HYDIN: variants seen among roughly 807,000 people sequenced by gnomAD.
HYDIN encodes HYDIN axonemal central pair apparatus protein, also known as axonemal central pair apparatus protein HYDIN.
HYDIN carries 132 observed loss-of-function variants against 403.9 expected under a neutral mutation model. The observed-to-expected ratio is 0.33, with a 90% CI of 0.28 to 0.38. The LOEUF is 0.38. HYDIN is among the 10% of genes least tolerant of loss of function. HYDIN has a pLI of 1.00. For synonymous variants in HYDIN, 1,202 were observed against 1,891.7 expected (o/e 0.64, Z 9.46); for missense variants, 2,827 against 5,009.5 (o/e 0.56, Z 13.15).
chr16:70,974,473 G>A, intron 32 of HYDIN, 61 bp downstream of exon 32: 2 of 1,419,892 alleles, frequency 1.4e-6, no homozygotes, highest in Non-Finnish European at 1.9e-6. Flanking sequence ...GGACAGTACT[G>A]ATGGGTTCCT....
chr16:71,019,814 A>C (rs2080412297), intron 22 of HYDIN, among the ~76,000 whole-genome samples: 1 of 152,266 alleles, frequency 6.6e-6, no homozygotes, highest in Admixed American at 6.5e-5. Flanking sequence ...ATGGAATTAG[A>C]CTACATTATT....
At chr16:70,813,457 G>A (rs71384770) in intron 84 of HYDIN, among the ~76,000 whole-genome samples, 4,128 of 152,006 alleles carry the variant, frequency 0.027, 72 homozygotes, top group Non-Finnish European at 0.042. Context: ...GTCATGCTTC[G>A]AGATGACTAG....
At chr16:70,828,806 C>T (rs1417573496) in intron 81 of HYDIN, among the ~76,000 whole-genome samples, 1 of 151,608 alleles carries the variant, frequency 6.6e-6, no homozygotes, top group South Asian at 2.1e-4. Context: ...TCATAAAGAC[C>T]GCATAGTTAA....
chr16:70,807,756 G>A lies in HYDIN; in HGVS notation c.15190C>T (p.Arg5064Cys), dbSNP rs768134428. The part of the protein sequence containing the change: ...IIVDNPAFTI[R>C]AGESVRPKKI... ...TTGGGCCGCACAGACTCTCCAGCGCGAATGGTGAAGGCTGGGTTATCCACG... is the reference window on the plus strand; with the variant it reads ...TTGGGCCGCACAGACTCTCCAGCGCAAATGGTGAAGGCTGGGTTATCCACG... Residue 5064 changes from arginine to cysteine, a missense_variant, in exon 86 of 86, where the codon CGC becomes TGC. By Grantham distance (180) the Arg-to-Cys change is radical. Coordinates refer to ENST00000393567, the MANE Select transcript of HYDIN (RefSeq NM_001270974.2). 1.8e-5 allele frequency: 29 copies of A among 1,614,034 alleles called. No homozygotes were observed. The highest frequency in any genetic ancestry group is 6.7e-5 in the African/African-American group (5 of 74,906).
chr16:71,063,444 A>G (rs2082156933), intron 16 of HYDIN, among the ~76,000 whole-genome samples: 1 of 152,248 alleles, frequency 6.6e-6, no homozygotes, highest in Admixed American at 6.5e-5. Context: ...AAGTATCTTG[A>G]GTGTTTGGCT....
intron 48 of HYDIN, 100 bp downstream of exon 48, chr16:70,908,553 A>C: frequency 2.0e-6 from 3 of 1,521,144 alleles, no homozygotes; most frequent in Non-Finnish European, 1.8e-6. Context: ...CTGGAGCCCC[A>C]CAGACAGGAC....
intron 75 of HYDIN, among the ~76,000 whole-genome samples, chr16:70,848,073 C>A (rs1031363446): frequency 3.5e-5 from 5 of 141,652 alleles, no homozygotes; most frequent in African/African-American, 5.3e-5. Context: ...TCCCATCTGC[C>A]ACAGCTGATT....
At chr16:70,884,622 T>G (rs2041015847) in intron 58 of HYDIN, among the ~76,000 whole-genome samples, 1 of 150,636 alleles carries the variant, frequency 6.6e-6, no homozygotes, top group Admixed American at 6.6e-5. Flanking sequence ...TTGCTGGAGG[T>G]TTAAATGAAA....
At chr16:70,985,905 T>A (rs2144031391) in intron 27 of HYDIN, among the ~76,000 whole-genome samples, 1 of 77,518 alleles carries the variant, frequency 1.3e-5, no homozygotes, top group Non-Finnish European at 2.3e-5. Flanking sequence ...AATTGAACAA[T>A]GAGAACACTT....
chr16:70,872,124 A>G lies in HYDIN; in HGVS notation c.11004T>C (p.Asn3668=). The part of the protein sequence containing the change: ...FGDCHIGHSY[N]ASFTVTNHSQ... ...TGTGATTTGTGACTGTGAAGCTCGC[A>G]TTATAGCTGTGTCCAATGTGGCAGT... is the stretch of plus-strand genomic sequence containing the variant. Residue 3668 remains asparagine (N), a synonymous_variant, in exon 65 of 86, where the codon AAT becomes AAC. Transcript: ENST00000393567. The G allele has an allele frequency of 1.9e-6, 3 of 1,569,184 alleles. No individual in the cohort carries two copies. The highest frequency in any genetic ancestry group is 2.6e-6 in the Non-Finnish European group (3 of 1,153,584).
intron 75 of HYDIN, 32 bp from the exon 76 acceptor site, chr16:70,840,265 TTAGGAGAAG>T (rs2037727312): frequency 9.6e-7 from 1 of 1,045,106 alleles, no homozygotes; most frequent in African/African-American, 1.9e-5. Flanking sequence ...GGGACCATGA[TTAGGAGAAG>T]TAGGAGGAGA....
intron 45 of HYDIN, among the ~76,000 whole-genome samples, chr16:70,925,938 A>G (rs2077140241): frequency 2.7e-5 from 4 of 149,038 alleles, no homozygotes; most frequent in Admixed American, 6.7e-5. Context: ...TTAGAATGGC[A>G]ATCATTAAAA....
intron 41 of HYDIN, among the ~76,000 whole-genome samples, chr16:70,951,097 T>C (rs1265570419): frequency 3.3e-5 from 5 of 152,054 alleles, no homozygotes; most frequent in African/African-American, 1.2e-4. Context: ...TAGCCAGGCA[T>C]GGTGGGACAT....
chr16:71,097,651 T>A (rs2083313447), intron 10 of HYDIN, among the ~76,000 whole-genome samples: 1 of 143,960 alleles, frequency 6.9e-6, no homozygotes, highest in Admixed American at 7.0e-5. Flanking sequence ...ATTTACGGGT[T>A]CTTTCTCTCC....
intron 60 of HYDIN, among the ~76,000 whole-genome samples, chr16:70,881,536 A>G (rs1254723828): frequency 6.9e-6 from 1 of 145,444 alleles, no homozygotes; most frequent in Non-Finnish European, 1.5e-5. Context: ...TGAACCTGGG[A>G]GGCAGAGCTT....
Position 71,186,925 on chromosome 16 carries a change from G to A in HYDIN, c.-23-7C>T, listed in dbSNP as rs1186910547. ...AGTAATTTTTTTTTCTCACCTAAGA[G>A]TGAAACAAAAATGTCTTAGAACAAA... On this transcript the variant is annotated splice_polypyrimidine_tract_variant and splice_region_variant and intron_variant, in intron 1 of 85. Transcript: ENST00000393567. 1.9e-6 allele frequency: 3 copies of A among 1,583,096 alleles called. No individual in the cohort carries two copies. The African/African-American group carries it at 4.1e-5, about 22-fold the overall frequency.
intron 41 of HYDIN, among the ~76,000 whole-genome samples, chr16:70,945,079 T>C (rs867419544): frequency 6.6e-6 from 1 of 152,232 alleles, no homozygotes; most frequent in Non-Finnish European, 1.5e-5. Context: ...AAGACCACCC[T>C]ACTCGTCACA....
At chr16:71,068,706 G>A (rs143567531) in intron 14 of HYDIN, among the ~76,000 whole-genome samples, 1 of 152,316 alleles carries the variant, frequency 6.6e-6, no homozygotes, top group East Asian at 1.9e-4. Context: ...TATCCTGATT[G>A]CAGACAAAAC....
intron 10 of HYDIN, among the ~76,000 whole-genome samples, chr16:71,097,871 A>G (rs2144396455): frequency 6.6e-6 from 1 of 152,100 alleles, no homozygotes; most frequent in African/African-American, 2.4e-5. Context: ...CAGCCAAGTG[A>G]TATTTCTAAT....
Sources: allele counts gnomAD v4.1 joint callset (sites outside exome capture counted in the v4.1 genomes callset), GRCh38; gene constraint gnomAD v4.1.1; transcripts MANE v1.5; gene names NCBI Gene and HGNC (gene_info 2026-07-23, HGNC 2026-07-21).